The following UMAD1 variants were observed in gnomAD, a reference collection of about 807,000 sequenced individuals.
UMAD1 encodes UBAP1-MVB12-associated (UMA)-domain containing protein 1.
In UMAD1, 8 loss-of-function variants were observed where a neutral mutation model predicts 6.1. The observed-to-expected ratio is 1.30, with a 90% CI of 0.76 to 2.35. The LOEUF (loss-of-function observed/expected upper bound fraction) is 2.35. Ranked by LOEUF, UMAD1 falls within the 30% of genes most tolerant of loss-of-function variation. The probability of loss-of-function intolerance (pLI) is 0.00; values close to 1 mark genes in which losing one functional copy is unlikely to be tolerated. For synonymous variants in UMAD1, 56 were observed against 31.4 expected (o/e 1.78, Z -2.61); for missense variants, 130 against 78.4 (o/e 1.66, Z -2.49).
chr7:7,689,268 G>T (rs1190253925), intron 2 of UMAD1: 2 of 152,124 alleles, frequency 1.3e-5, no homozygotes, highest in African/African-American at 4.8e-5. Context: ...ACCTCTTCTC[G>T]TGGCAGTTAT....
intron 3 of UMAD1, among the ~76,000 whole-genome samples, chr7:7,872,236 AT>A (rs1231176265): frequency 1.3e-5 from 2 of 152,158 alleles, no homozygotes; most frequent in Non-Finnish European, 2.9e-5. Context: ...AGCCACATAA[AT>A]TTTTTTGTTT....
intron 1 of UMAD1, among the ~76,000 whole-genome samples, chr7:7,649,085 GA>G (rs1785161558): frequency 7.0e-6 from 1 of 142,810 alleles, no homozygotes; most frequent in African/African-American, 2.6e-5. Flanking sequence ...TTGAACCCAG[GA>G]AGTGGAGATT....
chr7:7,802,115 C>G (rs184677803), intron 3 of UMAD1, among the ~76,000 whole-genome samples: 86 of 152,388 alleles, frequency 5.6e-4, no homozygotes, highest in Non-Finnish European at 9.8e-4. Context: ...CACAGTGGCT[C>G]ACGCCTGTAA....
intron 2 of UMAD1, among the ~76,000 whole-genome samples, chr7:7,701,102 C>G (rs769663503): frequency 7.2e-5 from 11 of 152,060 alleles, no homozygotes; most frequent in Non-Finnish European, 1.2e-4. Context: ...ATCTCTATCG[C>G]CATTTGGTTA....
At chr7:7,719,473 C>G (rs974266679) in intron 2 of UMAD1, among the ~76,000 whole-genome samples, 1 of 152,228 alleles carries the variant, frequency 6.6e-6, no homozygotes, top group African/African-American at 2.4e-5. Flanking sequence ...GCACATGTTT[C>G]TTCAACTTGC....
chr7:7,831,377 G>A (rs978202986), intron 3 of UMAD1, among the ~76,000 whole-genome samples: 1 of 152,130 alleles, frequency 6.6e-6, no homozygotes, highest in African/African-American at 2.4e-5. Flanking sequence ...TGAAATACTT[G>A]ATCATAAAAT....
intron 2 of UMAD1, among the ~76,000 whole-genome samples, chr7:7,798,257 G>A (rs1411761819): frequency 6.6e-6 from 1 of 152,184 alleles, no homozygotes; most frequent in African/African-American, 2.4e-5. Context: ...AAATATAGAT[G>A]AGTTTCACAT....
At chr7:7,671,200 C>G (rs917381657) in intron 1 of UMAD1, among the ~76,000 whole-genome samples, 1 of 152,212 alleles carries the variant, frequency 6.6e-6, no homozygotes, top group African/African-American at 2.4e-5. Context: ...TAACTTTAGT[C>G]AGCTTCGTGT....
At chr7:7,723,716 G>C (rs1207370672) in intron 2 of UMAD1, among the ~76,000 whole-genome samples, 1 of 152,176 alleles carries the variant, frequency 6.6e-6, no homozygotes, top group Non-Finnish European at 1.5e-5. Context: ...AATATGATGG[G>C]AATAACTGGA....
intron 2 of UMAD1, among the ~76,000 whole-genome samples, chr7:7,727,739 C>G (rs1312379053): frequency 6.6e-6 from 1 of 152,138 alleles, no homozygotes; most frequent in African/African-American, 2.4e-5. Flanking sequence ...ACATCTTTCT[C>G]CCGTGCTGGA....
intron 1 of UMAD1, among the ~76,000 whole-genome samples, chr7:7,660,292 C>T (rs942029535): frequency 1.3e-5 from 2 of 152,158 alleles, no homozygotes; most frequent in African/African-American, 4.8e-5. Context: ...GGGCATTTAG[C>T]CCATTTACAT....
chr7:7,764,161 C>T (rs1386974274), intron 2 of UMAD1, among the ~76,000 whole-genome samples: 3 of 152,078 alleles, frequency 2.0e-5, no homozygotes, highest in Admixed American at 6.5e-5. Flanking sequence ...CGGTGTGATA[C>T]GGCAGTCACA....
intron 3 of UMAD1, among the ~76,000 whole-genome samples, chr7:7,827,147 A>ATGTGTGTGTG (rs60211625): frequency 7.5e-6 from 1 of 134,144 alleles, no homozygotes; most frequent in African/African-American, 2.9e-5. Flanking sequence ...ATATATATAT[A>ATGTGTGTGTG]TGTGTGTGTG....
chr7:7,706,472 G>A (rs1780602633), intron 2 of UMAD1, among the ~76,000 whole-genome samples: 3 of 152,268 alleles, frequency 2.0e-5, no homozygotes, highest in African/African-American at 7.2e-5. Context: ...ATATAACAAT[G>A]CTAACAATAT....
intron 2 of UMAD1, among the ~76,000 whole-genome samples, chr7:7,713,435 T>G (rs1467950204): frequency 6.6e-6 from 1 of 152,070 alleles, no homozygotes; most frequent in East Asian, 1.9e-4. Flanking sequence ...CTTACCATTT[T>G]TTAATCTCTG....
chr7:7,746,916 TA>T (rs1320360790), intron 2 of UMAD1, among the ~76,000 whole-genome samples: 3 of 152,042 alleles, frequency 2.0e-5, no homozygotes, highest in Admixed American at 6.6e-5. Context: ...TAAGAGATTT[TA>T]AAAAAATGTT....
At chr7:7,783,201 T>C (rs116423647) in intron 2 of UMAD1, among the ~76,000 whole-genome samples, 3,538 of 152,314 alleles carry the variant, frequency 0.023, 137 homozygotes, top group African/African-American at 0.081. Flanking sequence ...TTGTCTAAGT[T>C]TGTAAAATGA....
chr7:7,719,590 C>A (rs140934489), intron 2 of UMAD1, among the ~76,000 whole-genome samples: 344 of 152,170 alleles, frequency 2.3e-3, no homozygotes, highest in African/African-American at 7.9e-3. Context: ...GACTTCAAAC[C>A]GACTGTATAT....
intron 3 of UMAD1, among the ~76,000 whole-genome samples, chr7:7,847,452 A>G (rs1583869982): frequency 6.6e-6 from 1 of 151,886 alleles, no homozygotes; most frequent in Non-Finnish European, 1.5e-5. Flanking sequence ...TTCAGGTCCC[A>G]TTCTTTATGA....
Sources: allele counts gnomAD v4.1 joint callset (sites outside exome capture counted in the v4.1 genomes callset), GRCh38; gene constraint gnomAD v4.1.1; transcripts MANE v1.5; gene names NCBI Gene and HGNC (gene_info 2026-07-23, HGNC 2026-07-21).